RAP1A: variants seen among roughly 807,000 people sequenced by gnomAD.
RAP1A encodes ras-related protein Rap-1A.
RAP1A carries 6 observed loss-of-function variants against 26.4 expected under a neutral mutation model. The observed-to-expected ratio is 0.23, with a 90% CI of 0.12 to 0.45. The LOEUF (loss-of-function observed/expected upper bound fraction) is 0.45. RAP1A is among the 20% of genes least tolerant of loss of function. The probability of loss-of-function intolerance (pLI) is 0.99; values close to 1 mark genes in which losing one functional copy is unlikely to be tolerated. For synonymous variants in RAP1A, 73 were observed against 79.4 expected, an observed-to-expected ratio of 0.92 and a Z score of 0.43; for missense variants, 121 against 217.2, an observed-to-expected ratio of 0.56 and a Z score of 2.78.
intron 1 of RAP1A, among the ~76,000 whole-genome samples, chr1:111,639,193 T>C (rs1439889729): frequency 6.6e-6 from 1 of 152,218 alleles, no homozygotes; most frequent in South Asian, 2.1e-4. Context: ...TACTGTGTTG[T>C]TTCTGCTTAT....
chr1:111,583,584 A>G (rs1250455605), intron 1 of RAP1A, among the ~76,000 whole-genome samples: 1 of 152,138 alleles, frequency 6.6e-6, no homozygotes, highest in Non-Finnish European at 1.5e-5. Context: ...CACAATTTCT[A>G]TGTAAGTCTC....
upstream of RAP1A, among the ~76,000 whole-genome samples, chr1:111,617,624 T>C (rs1433335115): frequency 6.6e-5 from 10 of 151,336 alleles, no homozygotes; most frequent in African/African-American, 2.2e-4. Flanking sequence ...TTAGTAGAGA[T>C]GGGGTTTCAC....
intron 1 of RAP1A, among the ~76,000 whole-genome samples, chr1:111,558,438 CA>C (rs1186583477): frequency 2.6e-5 from 4 of 152,216 alleles, no homozygotes; most frequent in African/African-American, 7.2e-5. Flanking sequence ...CCACCTGCCT[CA>C]GCCTCCCAAA....
chr1:111,688,706 G>A (rs1420622858), intron 1 of RAP1A, among the ~76,000 whole-genome samples: 1 of 151,272 alleles, frequency 6.6e-6, no homozygotes, highest in African/African-American at 2.4e-5. Flanking sequence ...AGCTTTTCAG[G>A]AATTTGATTA....
At chr1:111,615,382 C>G (rs1658994854), upstream of RAP1A, among the ~76,000 whole-genome samples, 1 of 151,762 alleles carries the variant, frequency 6.6e-6, no homozygotes, top group South Asian at 2.1e-4. Flanking sequence ...CCTAGGTTAA[C>G]CAATACCTGA....
chr1:111,548,160 A>G (rs1571456298), intron 1 of RAP1A, among the ~76,000 whole-genome samples: 1 of 152,178 alleles, frequency 6.6e-6, no homozygotes, highest in East Asian at 1.9e-4. Context: ...AGCTGGAACT[A>G]CAGGCATGTG....
intron 1 of RAP1A, among the ~76,000 whole-genome samples, chr1:111,662,288 G>T (rs1471939235): frequency 6.6e-6 from 1 of 151,316 alleles, no homozygotes; most frequent in Non-Finnish European, 1.5e-5. Flanking sequence ...CCAGCTACTC[G>T]GGAGGCTGAG....
chr1:111,706,650 G>C (rs1662203760), intron 6 of RAP1A: 2 of 923,394 alleles, frequency 2.2e-6, no homozygotes, highest in Non-Finnish European at 2.6e-6. Flanking sequence ...ACTCTATTCT[G>C]TGTTCCCTTT....
chr1:111,585,279 C>CTTTTAAAACTGTCTCGTGTGTCT (rs1658342224), intron 1 of RAP1A, among the ~76,000 whole-genome samples: 1 of 152,256 alleles, frequency 6.6e-6, no homozygotes, highest in East Asian at 1.9e-4. Flanking sequence ...CTCTATATCT[C>CTTTTAAAACTGTCTCGTGTGTCT]TTTTAAAACT....
chr1:111,655,333 A>G (rs1375700183), intron 1 of RAP1A, among the ~76,000 whole-genome samples: 1 of 152,102 alleles, frequency 6.6e-6, no homozygotes, highest in Non-Finnish European at 1.5e-5. Flanking sequence ...TATCTGAGGG[A>G]AAACGGGATA....
intron 1 of RAP1A, among the ~76,000 whole-genome samples, chr1:111,612,912 T>A (rs1658947571): frequency 6.6e-6 from 1 of 152,192 alleles, no homozygotes; most frequent in South Asian, 2.1e-4. Context: ...ATGCATTCTC[T>A]CTCTTAGTTT....
chr1:111,667,973 G>A (rs1557884752), intron 1 of RAP1A, among the ~76,000 whole-genome samples: 1 of 152,156 alleles, frequency 6.6e-6, no homozygotes, highest in Non-Finnish European at 1.5e-5. Context: ...TCTATGAGGA[G>A]ACTCCACCGA....
At chr1:111,706,644 T>C in intron 6 of RAP1A, 1 of 901,684 alleles carries the variant, frequency 1.1e-6, no homozygotes, top group Non-Finnish European at 1.3e-6. Context: ...TGAGAAACTC[T>C]ATTCTGTGTT....
intron 1 of RAP1A, among the ~76,000 whole-genome samples, chr1:111,606,078 A>G (rs1416154947): frequency 6.6e-6 from 1 of 152,170 alleles, no homozygotes; most frequent in Non-Finnish European, 1.5e-5. Flanking sequence ...AGGACTCAGG[A>G]GCCATAAGAA....
At chr1:111,692,722 A>G (rs1661707244) in intron 2 of RAP1A, among the ~76,000 whole-genome samples, 1 of 152,200 alleles carries the variant, frequency 6.6e-6, no homozygotes, top group African/African-American at 2.4e-5. Context: ...AAGATACATT[A>G]TTAGAGAGAA....
chr1:111,645,862 G>A (rs1300883522), intron 1 of RAP1A, among the ~76,000 whole-genome samples: 1 of 152,178 alleles, frequency 6.6e-6, no homozygotes, highest in African/African-American at 2.4e-5. Flanking sequence ...ATCACCCTTG[G>A]AGTCGTGGGT....
chr1:111,690,421 C>G (rs561547038), intron 1 of RAP1A, among the ~76,000 whole-genome samples: 1 of 152,324 alleles, frequency 6.6e-6, no homozygotes, highest in African/African-American at 2.4e-5. Flanking sequence ...ATTTTATATG[C>G]TTAGCTTCCA....
intron 1 of RAP1A, among the ~76,000 whole-genome samples, chr1:111,588,615 A>G (rs908532687): frequency 2.6e-5 from 4 of 151,484 alleles, no homozygotes; most frequent in South Asian, 4.2e-4. Context: ...TGCCCCTGAG[A>G]CTCCTCTGGG....
intron 1 of RAP1A, among the ~76,000 whole-genome samples, chr1:111,575,805 A>G (rs1440100895): frequency 1.3e-5 from 2 of 152,104 alleles, no homozygotes; most frequent in Non-Finnish European, 2.9e-5. Context: ...TGTTTAAACC[A>G]CTCAGCCTGG....
Sources: allele counts gnomAD v4.1 joint callset (sites outside exome capture counted in the v4.1 genomes callset), GRCh38; gene constraint gnomAD v4.1.1; transcripts MANE v1.5; gene names NCBI Gene and HGNC (gene_info 2026-07-23, HGNC 2026-07-21).